PYM1: variants seen among roughly 807,000 people sequenced by gnomAD.
The protein encoded by PYM1 is PYM1 exon junction complex associated factor.
In PYM1, 7 loss-of-function variants were observed where a neutral mutation model predicts 20.7. The ratio of observed to expected loss-of-function variants is 0.34; its 90% CI spans 0.19 to 0.64. PYM1 has a LOEUF of 0.64. PYM1 is among the 30% of genes least tolerant of loss of function. PYM1 has a pLI of 0.74. For missense variants in PYM1, 194 were observed against 250.0 expected, an observed-to-expected ratio of 0.78 and a Z score of 1.51; for synonymous variants, 100 against 99.2, an observed-to-expected ratio of 1.01 and a Z score of -0.05.
chr12:55,904,948 C>CT (rs1882766506), intron 1 of PYM1, among the ~76,000 whole-genome samples: 1 of 151,878 alleles, frequency 6.6e-6, no homozygotes, highest in South Asian at 2.1e-4. Context: ...TCAGGACCCC[C>CT]TTTACACTGT....
chr12:55,918,004 C>T (rs928859885), intron 1 of PYM1, among the ~76,000 whole-genome samples: 5 of 151,858 alleles, frequency 3.3e-5, no homozygotes, highest in African/African-American at 1.2e-4. Context: ...CTATTGGGTA[C>T]TAAGCTCACT....
chr12:55,902,188 T>C lies in PYM1; in HGVS notation c.299A>G (p.Gln100Arg), dbSNP rs1484128238. 3.1e-6 allele frequency: 5 copies of C among 1,614,076 alleles called. No homozygotes were observed. Among genetic ancestry groups the C allele is most frequent in the East Asian group, 2.2e-5 (1 of 44,884 alleles). Residue 100 changes from glutamine (Q) to arginine (R), a missense_variant, in exon 3 of 3, where the codon CAG becomes CGG. Gln to Arg is a conservative substitution (Grantham distance 43). Transcript: ENST00000408946. ...NLKRKEKRRQ[Q>R]QEKGEAEALS... ...GGCCTCTGCCTCTCCTTTCTCTTGCTGCTGCCGCCTCTTCTCCTTTCGCTT... is the reference window on the plus strand; with the variant it reads ...GGCCTCTGCCTCTCCTTTCTCTTGCCGCTGCCGCCTCTTCTCCTTTCGCTT...
chr12:55,922,811 C>T (rs1218410848), intron 1 of PYM1, among the ~76,000 whole-genome samples: 1 of 152,060 alleles, frequency 6.6e-6, no homozygotes, highest in Non-Finnish European at 1.5e-5. Context: ...CTCCTCAAAA[C>T]TCAAGGTCAT....
intron 1 of PYM1, among the ~76,000 whole-genome samples, chr12:55,921,537 A>G (rs1157215826): frequency 6.6e-6 from 1 of 152,102 alleles, no homozygotes; most frequent in Non-Finnish European, 1.5e-5. Flanking sequence ...AATAAAAAAA[A>G]ATACTCCCAT....
intron 1 of PYM1, among the ~76,000 whole-genome samples, chr12:55,905,126 C>T (rs959852666): frequency 3.7e-4 from 56 of 150,828 alleles, no homozygotes; most frequent in African/African-American, 1.1e-3. Context: ...CTCAGCCTCC[C>T]GAGTAGCTGG....
intron 1 of PYM1, chr12:55,927,257 G>C: frequency 8.7e-7 from 1 of 1,144,338 alleles, no homozygotes; most frequent in Non-Finnish European, 1.3e-6. Context: ...GGAGGAGGAA[G>C]AGTGGAGAAG....
chr12:55,926,996 C>G, intron 1 of PYM1: 2 of 1,405,202 alleles, frequency 1.4e-6, no homozygotes, highest in Non-Finnish European at 1.9e-6. Flanking sequence ...CCGGGATGGG[C>G]GGGGCACAGA....
chr12:55,920,623 C>G (rs1419247807), intron 1 of PYM1, among the ~76,000 whole-genome samples: 5 of 142,876 alleles, frequency 3.5e-5, no homozygotes, highest in African/African-American at 1.3e-4. Flanking sequence ...GGTGACAAAG[C>G]GAGACTCCGT....
chr12:55,927,801 G>C lies in PYM1; in HGVS notation c.-40C>G, dbSNP rs1394809479. Reference sequence around the variant, plus strand: ...CGGACCAGGTTGGGCGGGCGGCCCTGGCCTGGCTCTGCCCCGCTGGGCGGC... The same window carrying C: ...CGGACCAGGTTGGGCGGGCGGCCCTCGCCTGGCTCTGCCCCGCTGGGCGGC... On this transcript the variant is annotated 5_prime_UTR_variant, in exon 1 of 3. Transcript: ENST00000408946. 1 of 1,533,894 alleles carries C rather than the reference G, an allele frequency of 6.5e-7. No homozygotes were observed. The highest frequency in any genetic ancestry group is 8.7e-7 in the Non-Finnish European group (1 of 1,144,252).
At chr12:55,909,560 T>C (rs913232225) in intron 1 of PYM1, among the ~76,000 whole-genome samples, 5 of 149,140 alleles carry the variant, frequency 3.4e-5, no homozygotes, top group African/African-American at 1.2e-4. Flanking sequence ...GTATTTAATC[T>C]AGCATAATAA....
intron 1 of PYM1, among the ~76,000 whole-genome samples, chr12:55,919,434 G>A (rs868665164): frequency 6.6e-4 from 100 of 152,270 alleles, no homozygotes; most frequent in African/African-American, 2.2e-3. Flanking sequence ...GGTTACAGGC[G>A]TGAGCCACCA....
chr12:55,919,130 T>C (rs1883056485), intron 1 of PYM1, among the ~76,000 whole-genome samples: 1 of 152,184 alleles, frequency 6.6e-6, no homozygotes, highest in African/African-American at 2.4e-5. Context: ...TCAAAATTTG[T>C]GCACAGAAAC....
chr12:55,924,409 G>A (rs1450877459), intron 1 of PYM1, among the ~76,000 whole-genome samples: 1 of 152,084 alleles, frequency 6.6e-6, no homozygotes, highest in African/African-American at 2.4e-5. Context: ...TTGGCAGACT[G>A]AGGTGGGAAG....
At chr12:55,917,647 G>C (rs547445691) in intron 1 of PYM1, among the ~76,000 whole-genome samples, 7 of 152,128 alleles carry the variant, frequency 4.6e-5, no homozygotes, top group Non-Finnish European at 7.4e-5. Context: ...GGGATTATTA[G>C]AGGCGGGCAC....
chr12:55,904,525 G>T (rs1882754044), intron 1 of PYM1, among the ~76,000 whole-genome samples: 1 of 145,026 alleles, frequency 6.9e-6, no homozygotes, highest in Non-Finnish European at 1.5e-5. Context: ...GAACCCAGGA[G>T]GCGGACATTG....
rs866195053 is a variant in PYM1 at position 55,904,615 on chromosome 12, A to G, written c.38-1135T>C. ...CATCTCAAAAAAAAAAAAAAAAAAA[A>G]AAAAGAAAAAAAATTAGCAAAAAGC... On this transcript the variant is annotated intron_variant, in intron 1 of 2. Transcript: ENST00000408946. Among the ~76,000 whole-genome samples, 486 of 149,402 alleles carry G rather than the reference A, an allele frequency of 3.3e-3. 1 individual carries two copies. Among genetic ancestry groups the G allele is most frequent in the African/African-American group, 0.011 (426 of 39,922 alleles).
intron 1 of PYM1, 174 bp downstream of exon 1, chr12:55,927,551 C>G (rs1209180127): frequency 2.4e-5 from 20 of 829,940 alleles, no homozygotes; most frequent in Non-Finnish European, 3.6e-5. Context: ...AGCAGACAAA[C>G]TCCAGGAACG....
At position 55,919,080 on chromosome 12, in the gene PYM1, A is replaced by G. The variant is rs372434457; in HGVS notation, c.37+8645T>C. Among the ~76,000 whole-genome samples, 25 of 152,336 alleles carry G rather than the reference A, an allele frequency of 1.6e-4. No individual in the cohort carries two copies. The East Asian group carries it at 4.6e-3, about 28-fold the overall frequency. ...TAAATGAGTTACTATGTTCTTATTC[A>G]GGTACATATGCAAGATGGGAATATG... is the stretch of plus-strand genomic sequence containing the variant. On this transcript the variant is annotated intron_variant, in intron 1 of 2. Transcript: ENST00000408946.
chr12:55,903,432 T>C lies in PYM1; in HGVS notation c.86A>G (p.Gln29Arg). The change falls in exon 2 of 3, where the codon CAG becomes CGG. Residue 29 changes from glutamine (Q) to arginine (R), a missense_variant. Physicochemically the swap from Gln to Arg is conservative, Grantham distance 43. Around this residue, in one of 3 missense-constraint regions of PYM1, gnomAD observed 17 missense variants for 53.1 expected, o/e 0.32. Transcript: ENST00000408946. ...TQRPDGTWRK[Q>R]RRVKEGYVPQ... is the part of the protein sequence containing the mutation. Reference sequence around the variant, plus strand: ...CACATATCCTTCTTTCACCCTCCGCTGCTTGCGCCAGGTCCCGTCAGGTCG... The same window carrying C: ...CACATATCCTTCTTTCACCCTCCGCCGCTTGCGCCAGGTCCCGTCAGGTCG... 6.2e-7 allele frequency: 1 copy of C among 1,614,114 alleles called. No homozygotes were observed. Among genetic ancestry groups the C allele is most frequent in the Non-Finnish European group, 8.5e-7 (1 of 1,180,022 alleles).
Sources: gnomAD v4.1 joint callset for allele counts (sites outside exome capture counted in the v4.1 genomes callset) on GRCh38, gnomAD v4.1.1 for gene constraint, gnomAD v4.1.1 regional missense constraint, MANE v1.5 for transcripts, NCBI Gene and HGNC (gene_info 2026-07-23, HGNC 2026-07-21) for gene names.